RALGAPA1: variants seen among roughly 807,000 people sequenced by gnomAD.
The protein encoded by RALGAPA1 is Ral GTPase activating protein catalytic subunit alpha 1.
RALGAPA1 carries 52 observed loss-of-function variants against 269.6 expected under a neutral mutation model. The observed-to-expected ratio is 0.19, with a 90% CI of 0.15 to 0.24. The LOEUF is 0.24. RALGAPA1 is among the 10% of genes least tolerant of loss of function. RALGAPA1 has a pLI of 1.00. For synonymous variants in RALGAPA1, 817 were observed against 1,008.3 expected, an observed-to-expected ratio of 0.81 and a Z score of 3.60; for missense variants, 1,917 against 3,013.9, an observed-to-expected ratio of 0.64 and a Z score of 8.52.
chr14:35,750,654 A>G lies in RALGAPA1; in HGVS notation c.839T>C (p.Val280Ala). The G allele has an allele frequency of 1.9e-6, 3 of 1,613,360 alleles. No homozygotes were observed. The highest frequency in any genetic ancestry group is 2.5e-6 in the Non-Finnish European group (3 of 1,179,578). ...ATTGGTTTCAGCATCTTTCTTTATC[A>G]CGACATAATGTGGCTTTGGTCTCAT... The part of the protein sequence containing the change: ...PQMRPKPHYV[V>A]IKKDAETNEA... Residue 280 changes from valine (V) to alanine (A), a missense_variant, in exon 9 of 42, where the codon GTG becomes GCG. This residue lies in a region of RALGAPA1 where 462 missense variants were observed against 725.6 expected (regional missense o/e 0.64). Coordinates refer to ENST00000680220, the MANE Select transcript of RALGAPA1 (RefSeq NM_001346249.2).
At chr14:35,783,253 C>A (rs950213014) in intron 1 of RALGAPA1, among the ~76,000 whole-genome samples, 4 of 152,002 alleles carry the variant, frequency 2.6e-5, no homozygotes, top group African/African-American at 9.7e-5. Flanking sequence ...AATCCTTACA[C>A]TGATGATCAA....
At chr14:35,598,639 C>G (rs527556475) in intron 36 of RALGAPA1, among the ~76,000 whole-genome samples, 1 of 151,996 alleles carries the variant, frequency 6.6e-6, no homozygotes, top group Non-Finnish European at 1.5e-5. Flanking sequence ...AGGCTGGTCT[C>G]GAACTCCTGG....
At chr14:35,799,270 G>A (rs1368148369) in intron 1 of RALGAPA1, among the ~76,000 whole-genome samples, 2 of 151,870 alleles carry the variant, frequency 1.3e-5, no homozygotes, top group African/African-American at 4.8e-5. Context: ...AGTTAAAGAT[G>A]TATACTATAG....
intron 1 of RALGAPA1, among the ~76,000 whole-genome samples, chr14:35,786,498 C>T (rs746120057): frequency 1.3e-5 from 2 of 151,860 alleles, no homozygotes; most frequent in African/African-American, 2.4e-5. Context: ...ATTAGCCGGG[C>T]GTGCTGGCAG....
At chr14:35,664,894 G>T in intron 26 of RALGAPA1, 127 bp from the exon 27 acceptor site, 4 of 740,482 alleles carry the variant, frequency 5.4e-6, no homozygotes, top group Non-Finnish European at 8.7e-6. Context: ...AAAAGGAAAG[G>T]GAAAACACAA....
intron 36 of RALGAPA1, among the ~76,000 whole-genome samples, chr14:35,600,775 A>G (rs1271826193): frequency 6.6e-6 from 1 of 152,156 alleles, no homozygotes; most frequent in African/African-American, 2.4e-5. Flanking sequence ...AAGCATTTCT[A>G]TCAAGGTTGT....
At chr14:35,660,145 T>A (rs2063444687) in intron 27 of RALGAPA1, among the ~76,000 whole-genome samples, 1 of 152,064 alleles carries the variant, frequency 6.6e-6, no homozygotes, top group South Asian at 2.1e-4. Context: ...CCACTTCTAT[T>A]CAACATAGTA....
At chr14:35,775,296 A>C (rs767087561) in intron 2 of RALGAPA1, among the ~76,000 whole-genome samples, 42 of 152,228 alleles carry the variant, frequency 2.8e-4, no homozygotes, top group Non-Finnish European at 5.7e-4. Flanking sequence ...ATTACAAAGA[A>C]CTTCAAATAA....
intron 31 of RALGAPA1, 58 bp from the exon 32 acceptor site, chr14:35,635,656 A>C: frequency 7.2e-7 from 1 of 1,397,938 alleles, no homozygotes; most frequent in Non-Finnish European, 9.4e-7. Context: ...GCTTCTTAAA[A>C]ATTCATTTTC....
At chr14:35,566,892 A>C (rs1394135859) in intron 39 of RALGAPA1, among the ~76,000 whole-genome samples, 2 of 112,102 alleles carry the variant, frequency 1.8e-5, no homozygotes, top group Admixed American at 8.1e-5. Flanking sequence ...TATTTGTACT[A>C]TATATATATA....
chr14:35,634,988 T>C (rs1031263161), intron 32 of RALGAPA1, among the ~76,000 whole-genome samples: 4 of 151,952 alleles, frequency 2.6e-5, no homozygotes, highest in African/African-American at 9.7e-5. Flanking sequence ...CCTGGCAACA[T>C]GGCGAAACGC....
chr14:35,706,905 A>T (rs2067858648), intron 16 of RALGAPA1: 1 of 152,138 alleles, frequency 6.6e-6, no homozygotes, highest in Non-Finnish European at 1.5e-5. Flanking sequence ...ATCAACTGAG[A>T]TTGTGTTGAA....
chr14:35,661,132 T>C (rs888435911), intron 27 of RALGAPA1, among the ~76,000 whole-genome samples: 9 of 152,068 alleles, frequency 5.9e-5, no homozygotes, highest in South Asian at 2.1e-4. Flanking sequence ...TTTCTTTTAC[T>C]CCCTCTCACC....
intron 41 of RALGAPA1, among the ~76,000 whole-genome samples, chr14:35,547,163 A>G (rs914226507): frequency 2.6e-5 from 4 of 152,162 alleles, no homozygotes; most frequent in African/African-American, 9.6e-5. Flanking sequence ...GTAGCACAAT[A>G]TTAGGTTTAT....
rs1228786477 is a variant in RALGAPA1 at position 35,806,298 on chromosome 14, CA to C, written c.106+2431del. Among the ~76,000 whole-genome samples the C allele has an allele frequency of 8.6e-5, 13 of 151,918 alleles. No individual in the cohort carries two copies. The East Asian group carries it at 1.5e-3, about 18-fold the overall frequency. On this transcript the variant is annotated intron_variant, in intron 1 of 41. Transcript: ENST00000680220. Reference sequence around the variant, plus strand: ...ACTATATGCCAAGCATTATGTTAGCCAATTTACATGTGCTAATTTATAATAT... The same window carrying C: ...ACTATATGCCAAGCATTATGTTAGCCATTTACATGTGCTAATTTATAATAT...
chr14:35,547,264 G>A (rs1052169614), intron 41 of RALGAPA1, among the ~76,000 whole-genome samples: 2 of 152,072 alleles, frequency 1.3e-5, no homozygotes, highest in African/African-American at 4.8e-5. Flanking sequence ...CATTAAAAAT[G>A]AAGCCAACAG....
intron 6 of RALGAPA1, among the ~76,000 whole-genome samples, chr14:35,757,207 C>T (rs8022609): frequency 0.12 from 18,271 of 151,136 alleles, 1,168 homozygotes; most frequent in South Asian, 0.14. Context: ...CTGCAACCTC[C>T]GCCTCCCAGG....
At chr14:35,631,672 CT>C (rs1162943316) in intron 33 of RALGAPA1, among the ~76,000 whole-genome samples, 1 of 152,084 alleles carries the variant, frequency 6.6e-6, no homozygotes, top group African/African-American at 2.4e-5. Context: ...CTGGCTTTGG[CT>C]TGCTCTGTGA....
At chr14:35,687,540 C>T (rs2066063775) in intron 18 of RALGAPA1, among the ~76,000 whole-genome samples, 1 of 152,228 alleles carries the variant, frequency 6.6e-6, no homozygotes, top group African/African-American at 2.4e-5. Context: ...TGGCTCAATG[C>T]AAGATGCATT....
Sources: gnomAD v4.1 joint callset for allele counts (sites outside exome capture counted in the v4.1 genomes callset) on GRCh38, gnomAD v4.1.1 for gene constraint, gnomAD v4.1.1 regional missense constraint, MANE v1.5 for transcripts, NCBI Gene and HGNC (gene_info 2026-07-23, HGNC 2026-07-21) for gene names.